The following AUTS2 variants were observed in gnomAD, a reference collection of about 807,000 sequenced individuals.
AUTS2 encodes the protein autism susceptibility gene 2 protein.
Under a neutral mutation model 112.4 loss-of-function variants are expected in AUTS2, and 17 were observed. That is an observed-to-expected ratio of 0.15 (90% CI 0.10 to 0.23). The LOEUF (loss-of-function observed/expected upper bound fraction) is 0.23. Ranked by LOEUF, AUTS2 falls within the 10% of genes least tolerant of loss-of-function variation. The pLI is 1.00. For missense variants in AUTS2, 1,510 were observed against 1,701.6 expected, an observed-to-expected ratio of 0.89 and a Z score of 1.98; for synonymous variants, 751 against 702.7, an observed-to-expected ratio of 1.07 and a Z score of -1.09.
At chr7:70,481,448 C>G (rs1000467891) in intron 5 of AUTS2, among the ~76,000 whole-genome samples, 1 of 152,156 alleles carries the variant, frequency 6.6e-6, no homozygotes, top group Non-Finnish European at 1.5e-5. Context: ...AGCATCTTGA[C>G]ATTCTGGAAA....
chr7:70,178,984 C>T (rs1013867125), intron 4 of AUTS2, among the ~76,000 whole-genome samples: 2 of 152,086 alleles, frequency 1.3e-5, no homozygotes, highest in African/African-American at 4.8e-5. Flanking sequence ...GTAGGACTTC[C>T]CACTGTCTCA....
chr7:70,492,516 G>A (rs1391817140), intron 5 of AUTS2, among the ~76,000 whole-genome samples: 1 of 152,160 alleles, frequency 6.6e-6, no homozygotes, highest in Non-Finnish European at 1.5e-5. Context: ...TTCTCTTACT[G>A]TATCCTTACC....
chr7:70,495,879 CAT>C (rs1303297435), intron 5 of AUTS2, among the ~76,000 whole-genome samples: 2 of 142,202 alleles, frequency 1.4e-5, no homozygotes, highest in Admixed American at 6.9e-5. Flanking sequence ...CACACATGCA[CAT>C]GTCACATCAG....
At chr7:69,658,894 T>A (rs563431988) in intron 1 of AUTS2, among the ~76,000 whole-genome samples, 3 of 152,244 alleles carry the variant, frequency 2.0e-5, no homozygotes, top group Non-Finnish European at 4.4e-5. Context: ...TGAGAACCAC[T>A]ATGAAATTGT....
At chr7:70,785,443 C>A (rs1039100706) in intron 16 of AUTS2, 1 of 476,632 alleles carries the variant, frequency 2.1e-6, no homozygotes, top group Non-Finnish European at 4.2e-6. Context: ...CATCTCACTG[C>A]CCCGATAAAT....
chr7:69,615,266 G>A (rs1419932257), intron 1 of AUTS2, among the ~76,000 whole-genome samples: 1 of 152,044 alleles, frequency 6.6e-6, no homozygotes, highest in Non-Finnish European at 1.5e-5. Context: ...CAGGGTAGTG[G>A]GTGCCATCTA....
At chr7:70,319,248 C>T (rs1790139007) in intron 4 of AUTS2, among the ~76,000 whole-genome samples, 1 of 152,146 alleles carries the variant, frequency 6.6e-6, no homozygotes, top group Admixed American at 6.5e-5. Flanking sequence ...CAGAAGATAG[C>T]TTTAATCTTC....
chr7:69,949,708 A>G (rs1374707510), intron 2 of AUTS2, among the ~76,000 whole-genome samples: 5 of 152,180 alleles, frequency 3.3e-5, no homozygotes, highest in Non-Finnish European at 5.9e-5. Context: ...CACATTCTCC[A>G]TGAACTTTCC....
At chr7:70,106,167 G>C (rs1031260969) in intron 2 of AUTS2, among the ~76,000 whole-genome samples, 1 of 152,194 alleles carries the variant, frequency 6.6e-6, no homozygotes, top group African/African-American at 2.4e-5. Context: ...GGAGCTGAGT[G>C]AAAGTCACTT....
intron 2 of AUTS2, among the ~76,000 whole-genome samples, chr7:69,970,498 C>A (rs1377080710): frequency 6.6e-6 from 1 of 152,180 alleles, no homozygotes; most frequent in African/African-American, 2.4e-5. Context: ...GCATCCCTAT[C>A]CAGCCAGTCA....
chr7:70,760,345 A>G (rs763382095), intron 6 of AUTS2, among the ~76,000 whole-genome samples: 1 of 152,232 alleles, frequency 6.6e-6, no homozygotes, highest in African/African-American at 2.4e-5. Context: ...CATTGTACCA[A>G]GCATAAAAAT....
intron 1 of AUTS2, among the ~76,000 whole-genome samples, chr7:69,671,650 C>T (rs1007906466): frequency 2.6e-5 from 4 of 151,892 alleles, no homozygotes; most frequent in African/African-American, 9.7e-5. Context: ...GTAATGATGA[C>T]TGACTGGTAT....
intron 4 of AUTS2, among the ~76,000 whole-genome samples, chr7:70,251,943 GGATATATTTTTTTC>G (rs1786622803): frequency 6.6e-6 from 1 of 151,240 alleles, no homozygotes; most frequent in Non-Finnish European, 1.5e-5. Flanking sequence ...TTTCTCTCTC[GGATATATTTTTTTC>G]TGACCATTTA....
chr7:70,468,234 G>A (rs149790220), intron 5 of AUTS2, among the ~76,000 whole-genome samples: 45 of 152,304 alleles, frequency 3.0e-4, no homozygotes, highest in African/African-American at 1.0e-3. Context: ...CTAAGGATAA[G>A]TAGGGTTTTC....
At chr7:69,728,192 G>A (rs1786609432) in intron 1 of AUTS2, among the ~76,000 whole-genome samples, 1 of 152,164 alleles carries the variant, frequency 6.6e-6, no homozygotes, top group Non-Finnish European at 1.5e-5. Flanking sequence ...GAAGCCCTGT[G>A]GTCAAGGTAG....
chr7:70,065,491 C>T (rs1802446185), intron 2 of AUTS2, among the ~76,000 whole-genome samples: 1 of 152,038 alleles, frequency 6.6e-6, no homozygotes. Context: ...GTCAGGAGTT[C>T]AAGACCAGCC....
intron 5 of AUTS2, among the ~76,000 whole-genome samples, chr7:70,695,793 A>G (rs185955793): frequency 5.9e-4 from 90 of 152,330 alleles, no homozygotes; most frequent in African/African-American, 2.0e-3. Flanking sequence ...ACAAAAAAAC[A>G]TATTCCCCCT....
intron 1 of AUTS2, among the ~76,000 whole-genome samples, chr7:69,862,783 A>G (rs1793048936): frequency 6.6e-6 from 1 of 152,130 alleles, no homozygotes. Flanking sequence ...TACTCCTGAT[A>G]AGGCACTTAT....
At chr7:69,611,758 G>A (rs986965586) in intron 1 of AUTS2, among the ~76,000 whole-genome samples, 4 of 149,964 alleles carry the variant, frequency 2.7e-5, no homozygotes, top group African/African-American at 4.9e-5. Context: ...GTGAAACCCC[G>A]TCTCTACTAA....
Sources: allele counts gnomAD v4.1 joint callset (sites outside exome capture counted in the v4.1 genomes callset), GRCh38; gene constraint gnomAD v4.1.1; transcripts MANE v1.5; gene names NCBI Gene and HGNC (gene_info 2026-07-23, HGNC 2026-07-21).